R3HDM2: variants seen among roughly 807,000 people sequenced by gnomAD.
R3HDM2 encodes R3H domain-containing protein 2.
In R3HDM2, 38 loss-of-function variants were observed where a neutral mutation model predicts 124.5. That is an observed-to-expected ratio of 0.31 (90% CI 0.24 to 0.40). The LOEUF (loss-of-function observed/expected upper bound fraction) is 0.40. R3HDM2 is among the 10% of genes least tolerant of loss of function. The pLI is 1.00. For synonymous variants in R3HDM2, 391 were observed against 448.0 expected (o/e 0.87, Z 1.61); for missense variants, 869 against 1,236.9 (o/e 0.70, Z 4.46).
At chr12:57,295,956 G>C (rs1440387419) in intron 9 of R3HDM2, among the ~76,000 whole-genome samples, 1 of 152,114 alleles carries the variant, frequency 6.6e-6, no homozygotes, top group East Asian at 1.9e-4. Flanking sequence ...TCCAACCTCT[G>C]CCACTGGGGT....
intron 22 of R3HDM2, 36 bp downstream of exon 22, chr12:57,256,378 T>C: frequency 4.1e-6 from 6 of 1,463,462 alleles, no homozygotes; most frequent in Non-Finnish European, 5.6e-6. Flanking sequence ...AGAAGAGGGG[T>C]CTGATGGCCC....
chr12:57,351,859 T>TG (rs1051399643), intron 2 of R3HDM2, among the ~76,000 whole-genome samples: 8 of 152,130 alleles, frequency 5.3e-5, no homozygotes, highest in African/African-American at 1.7e-4. Flanking sequence ...GATATACGGA[T>TG]GCTCACCATC....
chr12:57,424,222 G>C (rs2139641687), intron 1 of R3HDM2, among the ~76,000 whole-genome samples: 1 of 150,936 alleles, frequency 6.6e-6, no homozygotes, highest in South Asian at 2.1e-4. Flanking sequence ...ACAGTGGCGT[G>C]ATCTCAATCA....
intron 2 of R3HDM2, among the ~76,000 whole-genome samples, chr12:57,338,941 T>A (rs151200236): frequency 1.3e-5 from 2 of 152,262 alleles, no homozygotes; most frequent in East Asian, 3.9e-4. Flanking sequence ...CTTAAAAGAT[T>A]TATTATGTAT....
chr12:57,369,737 C>T (rs11172184), intron 2 of R3HDM2, among the ~76,000 whole-genome samples: 57,441 of 151,878 alleles, frequency 0.38, 12,246 homozygotes, highest in Middle Eastern at 0.75. Context: ...AGGAACAGTT[C>T]GTAAGATTTC....
At position 57,386,108 on chromosome 12, in the gene R3HDM2, TTA is replaced by T. The variant is rs1242148991; in HGVS notation, c.-36+9639_-36+9640del. ...GTAAAAAGTTATTTTTCATACAAATTTATGTTAACATGCAATAGGTTTGAGAG... is the reference window on the plus strand; with the variant it reads ...GTAAAAAGTTATTTTTCATACAAATTTGTTAACATGCAATAGGTTTGAGAG... On this transcript the variant is annotated intron_variant, in intron 2 of 23. Coordinates refer to ENST00000402412, the MANE Select transcript of R3HDM2 (RefSeq NM_001394031.1). Among the ~76,000 whole-genome samples, 4 of 152,206 alleles carry T rather than the reference TTA, an allele frequency of 2.6e-5. No homozygotes were observed. The East Asian group carries it at 7.7e-4, about 29-fold the overall frequency.
intron 2 of R3HDM2, among the ~76,000 whole-genome samples, chr12:57,360,831 G>A (rs571277425): frequency 4.6e-5 from 7 of 151,970 alleles, no homozygotes; most frequent in East Asian, 1.9e-4. Context: ...TGAGGCGGGC[G>A]GGTCATGAGG....
chr12:57,428,018 G>A (rs1369753007), intron 1 of R3HDM2, among the ~76,000 whole-genome samples: 3 of 152,006 alleles, frequency 2.0e-5, no homozygotes, highest in Non-Finnish European at 4.4e-5. Flanking sequence ...TACTCAGGGG[G>A]CTGAGGCAGG....
In R3HDM2 at chr12:57,276,362, A is replaced by G. The variant is rs2044740104; in HGVS notation, c.1344+3996T>C. On this transcript the variant is annotated intron_variant, in intron 14 of 23. Transcript: ENST00000402412. Reference sequence around the variant, plus strand: ...CAGCACGATTCACAATTGCAAAATCATGGAACCAACCCAAATGCCCATCAA... The same window carrying G: ...CAGCACGATTCACAATTGCAAAATCGTGGAACCAACCCAAATGCCCATCAA... Among the ~76,000 whole-genome samples the G allele has an allele frequency of 1.3e-5, 2 of 152,364 alleles. 1 individual carries two copies. The highest frequency in any genetic ancestry group is 6.8e-3 in the Middle Eastern group (2 of 294).
chr12:57,315,330 T>G (rs1208033666), intron 2 of R3HDM2, among the ~76,000 whole-genome samples: 1 of 152,090 alleles, frequency 6.6e-6, no homozygotes, highest in Non-Finnish European at 1.5e-5. Flanking sequence ...TGTGAGCCAC[T>G]GCACCCAGCC....
chr12:57,290,976 A>C (rs867870093), intron 11 of R3HDM2, among the ~76,000 whole-genome samples: 2 of 152,214 alleles, frequency 1.3e-5, no homozygotes, highest in Non-Finnish European at 2.9e-5. Flanking sequence ...CACTGGCCAC[A>C]GCCATGTACA....
intron 2 of R3HDM2, among the ~76,000 whole-genome samples, chr12:57,381,185 C>T (rs1319482583): frequency 2.0e-5 from 3 of 152,030 alleles, no homozygotes; most frequent in Admixed American, 2.0e-4. Context: ...GAGCTGATAT[C>T]ACGCCATTGC....
At chr12:57,297,439 C>A in intron 7 of R3HDM2, 52 bp from the exon 8 acceptor site, 1 of 1,176,010 alleles carries the variant, frequency 8.5e-7, no homozygotes. Context: ...GCAGCCCTCC[C>A]ATAGACATTG....
chr12:57,362,855 C>T (rs554576494), intron 2 of R3HDM2, among the ~76,000 whole-genome samples: 4 of 151,952 alleles, frequency 2.6e-5, no homozygotes, highest in East Asian at 3.9e-4. Context: ...CAGAGTCTTG[C>T]GCTGTTGCCA....
chr12:57,269,531 T>A lies in R3HDM2; in HGVS notation c.1588-82A>T, dbSNP rs142676125. On this transcript the variant is annotated intron_variant, in intron 15 of 23. Transcript: ENST00000402412. Reference sequence around the variant, plus strand: ...GCATACTACTATAAATGCCTCAAGATTGATGGCCAGAAATATGTAAACGGA... The same window carrying A: ...GCATACTACTATAAATGCCTCAAGAATGATGGCCAGAAATATGTAAACGGA... The A allele has an allele frequency of 1.1e-3, 1,770 of 1,545,142 alleles. 16 individuals carry two copies. In the African/African-American group the frequency reaches 0.022, roughly 19 times the overall value.
At chr12:57,404,007 G>A (rs535521580) in intron 1 of R3HDM2, among the ~76,000 whole-genome samples, 1 of 149,666 alleles carries the variant, frequency 6.7e-6, no homozygotes, top group Admixed American at 6.7e-5. Context: ...TGCTTACTTT[G>A]GCAGCACATA....
intron 16 of R3HDM2, 38 bp downstream of exon 16, chr12:57,269,285 C>G: frequency 6.2e-7 from 1 of 1,610,360 alleles, no homozygotes. Flanking sequence ...GTGCCCTTCC[C>G]TTATTCACTG....
At chr12:57,400,879 G>A (rs1225689919) in intron 1 of R3HDM2, among the ~76,000 whole-genome samples, 1 of 152,122 alleles carries the variant, frequency 6.6e-6, no homozygotes, top group Non-Finnish European at 1.5e-5. Context: ...AGCATTAACA[G>A]ATGTTTGGTA....
rs11172202 is a variant in R3HDM2, at chr12:57,408,295, G to A, written c.-105-12477C>T. 5.0e-3 allele frequency among the ~76,000 whole-genome samples: 754 copies of A among 152,152 alleles called. 34 individuals carry two copies. The East Asian group carries it at 0.1, about 21-fold the overall frequency. On this transcript the variant is annotated intron_variant, in intron 1 of 23. Coordinates refer to ENST00000402412, the MANE Select transcript of R3HDM2 (RefSeq NM_001394031.1). ...TTGCTCAGGCTGGTCTTGAACTCCT[G>A]ACCTCAAGTGATCCTCCCACTTCGG...
Sources: allele counts gnomAD v4.1 joint callset (sites outside exome capture counted in the v4.1 genomes callset), GRCh38; gene constraint gnomAD v4.1.1; transcripts MANE v1.5; gene names NCBI Gene and HGNC (gene_info 2026-07-23, HGNC 2026-07-21).